CCDC91: variants seen among roughly 807,000 people sequenced by gnomAD.
CCDC91 encodes the protein coiled-coil domain containing 91.
In CCDC91, 48 loss-of-function variants were observed where a neutral mutation model predicts 63.2. The observed-to-expected ratio is 0.76, with a 90% confidence interval of 0.60 to 0.97. The LOEUF (loss-of-function observed/expected upper bound fraction) is 0.97. Among genes scored for constraint, CCDC91 ranks in the 50% least tolerant of loss-of-function variants. The probability of loss-of-function intolerance (pLI) is 0.00; values close to 1 mark genes in which losing one functional copy is unlikely to be tolerated. For missense variants in CCDC91, 500 were observed against 494.6 expected (o/e 1.01, Z -0.10); for synonymous variants, 167 against 165.8 (o/e 1.01, Z -0.06).
rs144498301 is a variant in CCDC91 at position 28,470,888 on chromosome 12, A to G, written c.1102-13164A>G. On this transcript the variant is annotated intron_variant, in intron 11 of 12. Coordinates refer to ENST00000536442, the MANE Select transcript of CCDC91 (RefSeq NM_018318.5). Reference sequence around the variant, plus strand: ...TTTGTGAGATCTAAAAATCAAAACAATTGAACCCATGGAAATAGATAGTGG... The same window carrying G: ...TTTGTGAGATCTAAAAATCAAAACAGTTGAACCCATGGAAATAGATAGTGG... 2.2e-3 allele frequency among the ~76,000 whole-genome samples: 332 copies of G among 152,292 alleles called. 1 individual carries two copies. The highest frequency in any genetic ancestry group is 7.6e-3 in the African/African-American group (315 of 41,580).
At chr12:28,516,866 T>TA (rs1473222875) in intron 12 of CCDC91, among the ~76,000 whole-genome samples, 1 of 151,898 alleles carries the variant, frequency 6.6e-6, no homozygotes, top group Admixed American at 6.6e-5. Flanking sequence ...AATCACCTCT[T>TA]AAAGTTCTCA....
At chr12:28,273,729 T>G (rs1009271527) in intron 3 of CCDC91, among the ~76,000 whole-genome samples, 1 of 152,164 alleles carries the variant, frequency 6.6e-6, no homozygotes, top group Non-Finnish European at 1.5e-5. Flanking sequence ...CATTGTAGAT[T>G]CTGGATATTA....
At chr12:28,202,460 C>T (rs1331321656) in intron 1 of CCDC91, among the ~76,000 whole-genome samples, 1 of 151,370 alleles carries the variant, frequency 6.6e-6, no homozygotes, top group Non-Finnish European at 1.5e-5. Context: ...AGTGACTTTC[C>T]TGAACTCTTT....
At chr12:28,474,486 T>A (rs777888715) in intron 11 of CCDC91, among the ~76,000 whole-genome samples, 7 of 152,092 alleles carry the variant, frequency 4.6e-5, no homozygotes, top group Non-Finnish European at 1.0e-4. Context: ...TCATTGGTAG[T>A]AGATTGCTGA....
At chr12:28,215,950 T>C (rs751369817) in intron 1 of CCDC91, among the ~76,000 whole-genome samples, 1 of 152,124 alleles carries the variant, frequency 6.6e-6, no homozygotes, top group Non-Finnish European at 1.5e-5. Context: ...AGATTTAATA[T>C]ACTTAAAATG....
At chr12:28,487,957 G>T (rs1951811126) in intron 12 of CCDC91, among the ~76,000 whole-genome samples, 1 of 151,346 alleles carries the variant, frequency 6.6e-6, no homozygotes, top group South Asian at 2.1e-4. Context: ...GAAAAACACA[G>T]AATTAAAAAT....
intron 1 of CCDC91, among the ~76,000 whole-genome samples, chr12:28,234,757 A>C (rs748222920): frequency 6.6e-6 from 1 of 151,646 alleles, no homozygotes; most frequent in Non-Finnish European, 1.5e-5. Context: ...ATAATTTGAA[A>C]GTTTTTTTTT....
chr12:28,273,672 C>G (rs1223983862), intron 3 of CCDC91, among the ~76,000 whole-genome samples: 1 of 152,076 alleles, frequency 6.6e-6, no homozygotes, highest in Non-Finnish European at 1.5e-5. Context: ...CCTTCGCCCA[C>G]TTTTTGATGG....
chr12:28,524,796 A>G (rs1941110179), intron 12 of CCDC91, among the ~76,000 whole-genome samples: 1 of 151,548 alleles, frequency 6.6e-6, no homozygotes, highest in Admixed American at 6.6e-5. Context: ...GTCTGTTCTA[A>G]GTATCTAATT....
rs1246200845 is a variant in CCDC91 at position 28,375,796 on chromosome 12, A to G, written c.654+13281A>G. Among the ~76,000 whole-genome samples the G allele has an allele frequency of 2.0e-5, 3 of 152,010 alleles. No homozygotes were observed. The East Asian group carries it at 5.8e-4, about 29-fold the overall frequency. On this transcript the variant is annotated intron_variant, in intron 7 of 12. Coordinates refer to ENST00000536442, the MANE Select transcript of CCDC91 (RefSeq NM_018318.5). ...TGTCTTGAACTTGTCATTCTCTAATATATGCACTCGCTCAGACTTCATGAG... is the reference window on the plus strand; with the variant it reads ...TGTCTTGAACTTGTCATTCTCTAATGTATGCACTCGCTCAGACTTCATGAG...
intron 8 of CCDC91, among the ~76,000 whole-genome samples, chr12:28,394,737 T>TCTCTCTCTCTCTCGCTCTC (rs1216042442): frequency 6.6e-6 from 1 of 151,748 alleles, no homozygotes. Flanking sequence ...TCTCTCCCCC[T>TCTCTCTCTCTCTCGCTCTC]TTTTCAGATT....
chr12:28,455,281 G>A (rs1338968773), intron 11 of CCDC91, among the ~76,000 whole-genome samples: 1 of 152,008 alleles, frequency 6.6e-6, no homozygotes, highest in Non-Finnish European at 1.5e-5. Context: ...CCTAGGAAAA[G>A]CCAATTGGAA....
intron 6 of CCDC91, among the ~76,000 whole-genome samples, chr12:28,361,305 A>G (rs1223943086): frequency 6.6e-6 from 1 of 151,786 alleles, no homozygotes; most frequent in Non-Finnish European, 1.5e-5. Flanking sequence ...AGCATTAGGT[A>G]TATCTCCTAA....
At chr12:28,460,742 TAC>T (rs1351999739) in intron 11 of CCDC91, among the ~76,000 whole-genome samples, 1 of 152,004 alleles carries the variant, frequency 6.6e-6, no homozygotes, top group Admixed American at 6.6e-5. Context: ...ATACTATATA[TAC>T]ACATGTAAAA....
chr12:28,535,854 C>T (rs1942117202), intron 12 of CCDC91, among the ~76,000 whole-genome samples: 1 of 151,858 alleles, frequency 6.6e-6, no homozygotes, highest in Non-Finnish European at 1.5e-5. Flanking sequence ...CGGTGAAACC[C>T]CGTCTCTACT....
intron 3 of CCDC91, among the ~76,000 whole-genome samples, chr12:28,278,559 C>T (rs1387403448): frequency 6.6e-6 from 1 of 152,032 alleles, no homozygotes; most frequent in South Asian, 2.1e-4. Context: ...GAGCATAAGC[C>T]AGATAACTAC....
At chr12:28,402,892 T>C (rs1223838678) in intron 8 of CCDC91, among the ~76,000 whole-genome samples, 1 of 152,206 alleles carries the variant, frequency 6.6e-6, no homozygotes, top group Admixed American at 6.5e-5. Context: ...TTGACCATTT[T>C]ATTGATATGA....
At chr12:28,245,426 G>A (rs1945664290) in intron 1 of CCDC91, among the ~76,000 whole-genome samples, 2 of 152,004 alleles carry the variant, frequency 1.3e-5, no homozygotes, top group Admixed American at 1.3e-4. Context: ...GTAAATAAAG[G>A]TATATACCTT....
chr12:28,228,796 A>G (rs1311108563), intron 1 of CCDC91, among the ~76,000 whole-genome samples: 2 of 152,050 alleles, frequency 1.3e-5, no homozygotes, highest in African/African-American at 2.4e-5. Context: ...AAAAGAAATA[A>G]ATTTGCTCTT....
Sources: gnomAD v4.1 joint callset for allele counts (sites outside exome capture counted in the v4.1 genomes callset) on GRCh38, gnomAD v4.1.1 for gene constraint, MANE v1.5 for transcripts, NCBI Gene and HGNC (gene_info 2026-07-23, HGNC 2026-07-21) for gene names.